Variants in FHIP1A observed in about 807,000 individuals in gnomAD.
FHIP1A encodes the protein FHF complex subunit HOOK-interacting protein 1A.
FHIP1A carries 61 observed loss-of-function variants against 88.6 expected under a neutral mutation model. The ratio of observed to expected loss-of-function variants is 0.69; its 90% CI spans 0.56 to 0.85. The LOEUF (loss-of-function observed/expected upper bound fraction) is 0.85, where lower values mean the gene tolerates loss of function less well. FHIP1A is among the 40% of genes least tolerant of loss of function. The probability of loss-of-function intolerance (pLI) is 0.00; values close to 1 mark genes in which losing one functional copy is unlikely to be tolerated. For missense variants in FHIP1A, 1,154 were observed against 1,273.5 expected (o/e 0.91, Z 1.43); for synonymous variants, 478 against 496.0 (o/e 0.96, Z 0.48).
At chr4:151,636,796 A>G (rs754654077) in intron 8 of FHIP1A, among the ~76,000 whole-genome samples, 4 of 152,084 alleles carry the variant, frequency 2.6e-5, no homozygotes, top group South Asian at 2.1e-4. Context: ...TAAAACTCCT[A>G]TCTGGCCTAT....
intron 7 of FHIP1A, among the ~76,000 whole-genome samples, chr4:151,592,248 C>T (rs1297553696): frequency 6.6e-6 from 1 of 152,168 alleles, no homozygotes; most frequent in East Asian, 1.9e-4. Context: ...GATTCTCCTG[C>T]CTCAGCCTCC....
intron 3 of FHIP1A, among the ~76,000 whole-genome samples, chr4:151,527,816 A>G (rs1476363405): frequency 6.6e-6 from 1 of 152,194 alleles, no homozygotes; most frequent in Non-Finnish European, 1.5e-5. Flanking sequence ...TGAGATACTC[A>G]GACCTCACAA....
At chr4:151,505,608 T>G (rs1441805714) in intron 3 of FHIP1A, among the ~76,000 whole-genome samples, 1 of 152,186 alleles carries the variant, frequency 6.6e-6, no homozygotes, top group East Asian at 1.9e-4. Context: ...TTTTGAATAA[T>G]TGAACGCTGA....
At chr4:151,606,375 A>G (rs1735074818) in intron 7 of FHIP1A, among the ~76,000 whole-genome samples, 1 of 152,186 alleles carries the variant, frequency 6.6e-6, no homozygotes, top group Non-Finnish European at 1.5e-5. Flanking sequence ...TTCACTGATC[A>G]TGTCATTCCT....
rs369494566 is a variant in FHIP1A at position 151,649,962 on chromosome 4, G to A, written c.1921G>A (p.Asp641Asn). Residue 641 changes from aspartate to asparagine, a missense_variant, in exon 11 of 14, where the codon GAT becomes AAT. By Grantham distance (23) the Asp-to-Asn change is conservative. Coordinates refer to ENST00000435205, the MANE Select transcript of FHIP1A (RefSeq NM_001109977.3). Reference protein sequence around the residue: ...SYIEESDFQDDVMVYRLCAEK... With the variant: ...SYIEESDFQDNVMVYRLCAEK... ...CATAGAAGAGTCGGACTTTCAGGAT[G>A]ATGTGATGGTGTACAGGCTGTGTGC... 91 of 1,551,624 alleles carry A rather than the reference G, an allele frequency of 5.9e-5. No homozygotes were observed. The African/African-American group carries it at 1.2e-3, about 20-fold the overall frequency.
In FHIP1A at chr4:151,549,218, G is replaced by A. The variant is rs116808394; in HGVS notation, c.-122-16920G>A. Among the ~76,000 whole-genome samples, 792 of 152,240 alleles carry A rather than the reference G, an allele frequency of 5.2e-3. 5 individuals are homozygous for A. Among genetic ancestry groups the A allele is most frequent in the African/African-American group, 0.019 (769 of 41,546 alleles). ...AGAGCAGGTAATCAGGGGAACAGAC[G>A]TAAACTACTGATTCGGACTGGTGGG... On this transcript the variant is annotated intron_variant, in intron 3 of 13. Coordinates refer to ENST00000435205, the MANE Select transcript of FHIP1A (RefSeq NM_001109977.3).
At chr4:151,638,648 A>G (rs1422722875) in intron 8 of FHIP1A, 29 bp from the exon 9 acceptor site, 1 of 1,403,262 alleles carries the variant, frequency 7.1e-7, no homozygotes, top group East Asian at 2.5e-5. Flanking sequence ...CCAACATCTG[A>G]ACTAGAATGT....
intron 4 of FHIP1A, among the ~76,000 whole-genome samples, chr4:151,569,937 T>C (rs1244721138): frequency 1.3e-5 from 2 of 152,148 alleles, no homozygotes; most frequent in South Asian, 4.1e-4. Flanking sequence ...TCAGGAATGG[T>C]TGCATTCCAA....
chr4:151,547,957 C>G (rs1419049198), intron 3 of FHIP1A, among the ~76,000 whole-genome samples: 2 of 152,002 alleles, frequency 1.3e-5, no homozygotes, highest in Non-Finnish European at 2.9e-5. Flanking sequence ...GAGCACTTAT[C>G]TGCAGTGTCA....
rs772695808 is a variant in FHIP1A, at chr4:151,667,867, G to C, written c.*5113G>C. Among the ~76,000 whole-genome samples the C allele has an allele frequency of 6.6e-6, 1 of 152,198 alleles. No individual in the cohort carries two copies. Among genetic ancestry groups the C allele is most frequent in the Non-Finnish European group, 1.5e-5 (1 of 68,040 alleles). ...ATCTTTCGGGGAGTTTAGATTTACT[G>C]TGTCATTTCAGAACCCAACAAAGGT... On this transcript the variant is annotated 3_prime_UTR_variant, in exon 14 of 14. Coordinates refer to ENST00000435205, the MANE Select transcript of FHIP1A (RefSeq NM_001109977.3).
chr4:151,637,877 G>A (rs1411527238), intron 8 of FHIP1A, among the ~76,000 whole-genome samples: 1 of 152,064 alleles, frequency 6.6e-6, no homozygotes, highest in African/African-American at 2.4e-5. Context: ...GATTTCATTG[G>A]CCAGATTTTA....
chr4:151,421,793 C>T (rs1199363114), intron 1 of FHIP1A, among the ~76,000 whole-genome samples: 1 of 152,020 alleles, frequency 6.6e-6, no homozygotes, highest in Admixed American at 6.6e-5. Flanking sequence ...ACAACTATCG[C>T]CTTCCTAGGT....
intron 3 of FHIP1A, among the ~76,000 whole-genome samples, chr4:151,505,703 G>A (rs1730810965): frequency 6.6e-6 from 1 of 152,132 alleles, no homozygotes; most frequent in Non-Finnish European, 1.5e-5. Context: ...CATTCAAGTG[G>A]GCATGGTGTG....
At chr4:151,623,521 CTT>C (rs747837424) in intron 7 of FHIP1A, among the ~76,000 whole-genome samples, 238 of 88,188 alleles carry the variant, frequency 2.7e-3, no homozygotes, top group African/African-American at 9.1e-3. Flanking sequence ...CTTCCTGGTC[CTT>C]TTTTTTTTTT....
chr4:151,553,163 C>G (rs1732812003), intron 3 of FHIP1A, among the ~76,000 whole-genome samples: 1 of 152,124 alleles, frequency 6.6e-6, no homozygotes, highest in Admixed American at 6.5e-5. Context: ...AGTCAAATTG[C>G]AGAATCTGAT....
intron 5 of FHIP1A, 127 bp from the exon 6 acceptor site, chr4:151,586,514 A>G: frequency 1.5e-6 from 1 of 679,768 alleles, no homozygotes; most frequent in Non-Finnish European, 2.4e-6. Flanking sequence ...GGGCTCTTAT[A>G]CCTTTAATAC....
intron 1 of FHIP1A, among the ~76,000 whole-genome samples, chr4:151,436,213 A>ATTTCTT (rs1728193367): frequency 4.6e-5 from 7 of 152,180 alleles, no homozygotes; most frequent in Non-Finnish European, 2.9e-5. Context: ...GGTTTTCATT[A>ATTTCTT]GAGTTTCTCA....
chr4:151,502,172 A>AAG (rs1367262013), intron 3 of FHIP1A, among the ~76,000 whole-genome samples: 1 of 147,586 alleles, frequency 6.8e-6, no homozygotes, highest in Non-Finnish European at 1.5e-5. Flanking sequence ...AAAAAAAAAA[A>AAG]AGAAAAGAAA....
chr4:151,556,730 A>G (rs1357675917), intron 3 of FHIP1A, among the ~76,000 whole-genome samples: 1 of 152,132 alleles, frequency 6.6e-6, no homozygotes, highest in Non-Finnish European at 1.5e-5. Context: ...AGGGAAGACA[A>G]TCATTTACAA....
Sources: allele counts gnomAD v4.1 joint callset (sites outside exome capture counted in the v4.1 genomes callset), GRCh38; gene constraint gnomAD v4.1.1; transcripts MANE v1.5; gene names NCBI Gene and HGNC (gene_info 2026-07-23, HGNC 2026-07-21).